LIMK2: variants seen among roughly 807,000 people sequenced by gnomAD.
LIMK2 encodes the protein LIM domain kinase 2.
Under a neutral mutation model 75.7 loss-of-function variants are expected in LIMK2, and 35 were observed. The ratio of observed to expected loss-of-function variants is 0.46; its 90% CI spans 0.35 to 0.61. The LOEUF (loss-of-function observed/expected upper bound fraction) is 0.61. Among genes scored for constraint, LIMK2 ranks in the 20% least tolerant of loss-of-function variants. The pLI, the probability that LIMK2 is intolerant of heterozygous loss-of-function variation, is 0.00. For missense variants in LIMK2, 623 were observed against 831.0 expected, an observed-to-expected ratio of 0.75 and a Z score of 3.08; for synonymous variants, 301 against 319.2, an observed-to-expected ratio of 0.94 and a Z score of 0.61.
chr22:31,240,409 C>T (rs2048614514), intron 2 of LIMK2, among the ~76,000 whole-genome samples: 1 of 151,172 alleles, frequency 6.6e-6, no homozygotes, highest in Non-Finnish European at 1.5e-5. Flanking sequence ...CATGGAATGA[C>T]GCTATCTTCT....
intron 2 of LIMK2, among the ~76,000 whole-genome samples, chr22:31,242,491 A>G (rs1427119051): frequency 6.6e-6 from 1 of 152,196 alleles, no homozygotes; most frequent in Non-Finnish European, 1.5e-5. Flanking sequence ...AGTTTCTCCA[A>G]AGTTACTAAC....
At chr22:31,276,034 G>A (rs977619462) in intron 15 of LIMK2, among the ~76,000 whole-genome samples, 1 of 152,116 alleles carries the variant, frequency 6.6e-6, no homozygotes. Flanking sequence ...TCTGGAGTTC[G>A]AGACCAGCCT....
chr22:31,252,419 G>C (rs1313333126), intron 2 of LIMK2, among the ~76,000 whole-genome samples: 1 of 151,928 alleles, frequency 6.6e-6, no homozygotes, highest in Non-Finnish European at 1.5e-5. Context: ...GTGTGCACCT[G>C]TAGTCCCAGC....
intron 2 of LIMK2, chr22:31,248,297 G>A (rs1444078159): frequency 6.8e-6 from 8 of 1,173,078 alleles, no homozygotes; most frequent in Non-Finnish European, 8.6e-6. Flanking sequence ...TCGGTTCTGC[G>A]GGAGCCCCTC....
chr22:31,218,941 G>A (rs1000151162), intron 1 of LIMK2, among the ~76,000 whole-genome samples: 7 of 152,226 alleles, frequency 4.6e-5, no homozygotes, highest in African/African-American at 1.7e-4. Context: ...TGAGCTCTCA[G>A]TGCTTGAGGA....
intron 2 of LIMK2, among the ~76,000 whole-genome samples, chr22:31,254,748 C>T (rs775139833): frequency 7.2e-5 from 11 of 152,128 alleles, no homozygotes; most frequent in Non-Finnish European, 1.6e-4. Context: ...CACTTGAGGT[C>T]GGGAGTTCGA....
intron 13 of LIMK2, chr22:31,273,035 T>C (rs2048975528): frequency 8.8e-7 from 1 of 1,130,892 alleles, no homozygotes; most frequent in African/African-American, 1.6e-5. Flanking sequence ...TGGTGGATAA[T>C]GCTCAAACCA....
rs535092190 is a variant in LIMK2 at position 31,223,129 on chromosome 22, G to C, written c.17-2591G>C. 6.6e-5 allele frequency among the ~76,000 whole-genome samples: 10 copies of C among 152,310 alleles called. No homozygotes were observed. The East Asian group carries it at 1.9e-3, about 29-fold the overall frequency. ...GCCAAAAATCTGAAGTAGGGCTGGG[G>C]TGAAGGACAGGGAAGGGCTAGAGAG... On this transcript the variant is annotated intron_variant, in intron 1 of 15. Coordinates refer to ENST00000331728, the MANE Select transcript of LIMK2 (RefSeq NM_005569.4).
At chr22:31,250,511 C>G (rs1601422909) in intron 2 of LIMK2, among the ~76,000 whole-genome samples, 1 of 152,300 alleles carries the variant, frequency 6.6e-6, no homozygotes, top group East Asian at 1.9e-4. Context: ...TCTTCTTGCC[C>G]CTACCCCCAA....
intron 4 of LIMK2, 23 bp from the exon 5 acceptor site, chr22:31,259,866 T>A: frequency 1.3e-6 from 2 of 1,584,202 alleles, no homozygotes; most frequent in East Asian, 4.6e-5. Context: ...AGCATCTTAT[T>A]CCCCCCTGTG....
At chr22:31,249,565 G>T (rs536177302) in intron 2 of LIMK2, among the ~76,000 whole-genome samples, 11 of 152,110 alleles carry the variant, frequency 7.2e-5, no homozygotes, top group Non-Finnish European at 1.3e-4. Flanking sequence ...CTGGCCCTCT[G>T]GGTCCCTTCT....
chr22:31,268,263 C>A, intron 11 of LIMK2, 63 bp downstream of exon 11: 2 of 1,371,244 alleles, frequency 1.5e-6, no homozygotes, highest in Non-Finnish European at 2.1e-6. Context: ...GAATTGTGGG[C>A]TTCACTGGAA....
intron 2 of LIMK2, among the ~76,000 whole-genome samples, chr22:31,228,214 C>T (rs577939813): frequency 6.6e-6 from 1 of 152,026 alleles, no homozygotes; most frequent in East Asian, 1.9e-4. Context: ...GTCAGGAATT[C>T]GAGACCAGCC....
intron 2 of LIMK2, among the ~76,000 whole-genome samples, chr22:31,249,537 A>G (rs957918328): frequency 2.0e-5 from 3 of 152,086 alleles, no homozygotes; most frequent in Non-Finnish European, 4.4e-5. Flanking sequence ...CCTCCCATAG[A>G]AACTCCCCAG....
intron 2 of LIMK2, among the ~76,000 whole-genome samples, chr22:31,257,339 A>C (rs1479236502): frequency 6.6e-6 from 1 of 152,182 alleles, no homozygotes; most frequent in Non-Finnish European, 1.5e-5. Context: ...ACATAGATTC[A>C]TGATTTGTTA....
intron 2 of LIMK2, among the ~76,000 whole-genome samples, chr22:31,238,028 T>C (rs2048594100): frequency 6.6e-6 from 1 of 150,766 alleles, no homozygotes; most frequent in South Asian, 2.1e-4. Flanking sequence ...GGCAGGAGAA[T>C]TGCTTGAACC....
intron 15 of LIMK2, 134 bp from the exon 16 acceptor site, chr22:31,278,163 A>T: frequency 1.4e-6 from 1 of 710,396 alleles, no homozygotes; most frequent in East Asian, 2.6e-5. Context: ...CCCATTTCTC[A>T]CAGAGGCACT....
Position 31,255,978 on chromosome 22 carries a change from CTTTTTTTTTTTTTTTTTTTTTTTT to C in LIMK2, c.117-2298_117-2275del, listed in dbSNP as rs567250437. On this transcript the variant is annotated intron_variant, in intron 2 of 15. Coordinates refer to ENST00000331728, the MANE Select transcript of LIMK2 (RefSeq NM_005569.4). ...ATACTGAGTTTCTACTATATTGGGTCTTTTTTTTTTTTTTTTTTTTTTTTTTTTTTTTTTTTTTGAGACGGAATC... is the reference window on the plus strand; with the variant it reads ...ATACTGAGTTTCTACTATATTGGGTCTTTTTTTTTTTTTTGAGACGGAATC... Among the ~76,000 whole-genome samples, 23 of 29,682 alleles carry C rather than the reference CTTTTTTTTTTTTTTTTTTTTTTTT, an allele frequency of 7.7e-4. No individual in the cohort carries two copies. The South Asian group carries it at 0.023, about 29-fold the overall frequency. The allele number at this position is 29,682 out of a possible 152,430, so 19.5% of individuals were successfully genotyped here.
intron 1 of LIMK2, among the ~76,000 whole-genome samples, chr22:31,219,893 C>T (rs2048420037): frequency 1.3e-5 from 2 of 152,144 alleles, no homozygotes; most frequent in South Asian, 4.1e-4. Context: ...TCTTAACAAT[C>T]AGTAGCCACT....
Sources: allele counts gnomAD v4.1 joint callset (sites outside exome capture counted in the v4.1 genomes callset), GRCh38; gene constraint gnomAD v4.1.1; transcripts MANE v1.5; gene names NCBI Gene and HGNC (gene_info 2026-07-23, HGNC 2026-07-21).